The following FAM168A variants were observed in gnomAD, a reference collection of about 807,000 sequenced individuals.
The protein encoded by FAM168A is protein FAM168A.
A neutral mutation model predicts 28.5 loss-of-function variants in FAM168A; 3 were observed. The ratio of observed to expected loss-of-function variants is 0.11; its 90% CI spans 0.05 to 0.27. The LOEUF (loss-of-function observed/expected upper bound fraction) is 0.27, where lower values mean the gene tolerates loss of function less well. FAM168A is among the 10% of genes least tolerant of loss of function. The probability of loss-of-function intolerance (pLI) is 1.00; values close to 1 mark genes in which losing one functional copy is unlikely to be tolerated. For synonymous variants in FAM168A, 122 were observed against 124.2 expected (o/e 0.98, Z 0.12); for missense variants, 222 against 311.5 (o/e 0.71, Z 2.16).
intron 1 of FAM168A, among the ~76,000 whole-genome samples, chr11:73,585,496 AG>A (rs1565309165): frequency 6.6e-6 from 1 of 152,244 alleles, no homozygotes; most frequent in Non-Finnish European, 1.5e-5. Context: ...TTAACAATCT[AG>A]GGAAAATTCA....
chr11:73,431,523 T>G (rs1156934594), intron 2 of FAM168A, among the ~76,000 whole-genome samples: 4 of 152,188 alleles, frequency 2.6e-5, no homozygotes, highest in Admixed American at 2.0e-4. Flanking sequence ...ATATATTCAG[T>G]GGTGTGCTGG....
chr11:73,478,302 G>C (rs1867920050), intron 1 of FAM168A, among the ~76,000 whole-genome samples: 1 of 152,154 alleles, frequency 6.6e-6, no homozygotes, highest in Non-Finnish European at 1.5e-5. Flanking sequence ...ACAAACTACT[G>C]ATACATGTCA....
chr11:73,558,445 G>A (rs925358773), intron 1 of FAM168A, among the ~76,000 whole-genome samples: 3 of 145,804 alleles, frequency 2.1e-5, no homozygotes, highest in African/African-American at 5.1e-5. Context: ...CTCCAACCTG[G>A]GCAACAGAGC....
At chr11:73,480,187 C>G (rs1010293861) in intron 1 of FAM168A, among the ~76,000 whole-genome samples, 1 of 152,134 alleles carries the variant, frequency 6.6e-6, no homozygotes, top group African/African-American at 2.4e-5. Flanking sequence ...TCCACAGTTA[C>G]CAGAAAGATC....
At chr11:73,484,175 C>T (rs564416584) in intron 1 of FAM168A, among the ~76,000 whole-genome samples, 6 of 152,198 alleles carry the variant, frequency 3.9e-5, no homozygotes, top group South Asian at 2.1e-4. Flanking sequence ...ACGTTATATA[C>T]CATAACTGTT....
intron 1 of FAM168A, among the ~76,000 whole-genome samples, chr11:73,559,996 T>C (rs1217253121): frequency 2.0e-5 from 3 of 152,160 alleles, no homozygotes; most frequent in Non-Finnish European, 2.9e-5. Flanking sequence ...TACTGCAGCA[T>C]TAAATAAATC....
chr11:73,472,104 C>T (rs1265249904), intron 1 of FAM168A, among the ~76,000 whole-genome samples: 5 of 152,104 alleles, frequency 3.3e-5, no homozygotes, highest in Non-Finnish European at 5.9e-5. Flanking sequence ...CCCCCCTCTC[C>T]CCGCCCCATC....
chr11:73,414,047 A>G (rs1437561282), intron 4 of FAM168A, among the ~76,000 whole-genome samples: 2 of 152,196 alleles, frequency 1.3e-5, no homozygotes, highest in Non-Finnish European at 2.9e-5. Flanking sequence ...TGGGTGACAG[A>G]GCAGGACCCT....
At chr11:73,525,210 A>T (rs2080467843) in intron 1 of FAM168A, among the ~76,000 whole-genome samples, 1 of 152,068 alleles carries the variant, frequency 6.6e-6, no homozygotes, top group African/African-American at 2.4e-5. Context: ...CTATTCTTTC[A>T]TATTTAAGAC....
chr11:73,524,087 C>T (rs1943419493), intron 1 of FAM168A, among the ~76,000 whole-genome samples: 1 of 152,118 alleles, frequency 6.6e-6, no homozygotes, highest in Admixed American at 6.5e-5. Context: ...AAAATCCTTT[C>T]CTCTCAGAAT....
chr11:73,493,031 T>C (rs892960819), intron 1 of FAM168A, among the ~76,000 whole-genome samples: 1 of 152,054 alleles, frequency 6.6e-6, no homozygotes, highest in Admixed American at 6.5e-5. Flanking sequence ...ACCAAGAGTG[T>C]GGAGAAGGAT....
At chr11:73,417,835 A>G (rs1866723180) in intron 4 of FAM168A, among the ~76,000 whole-genome samples, 1 of 152,276 alleles carries the variant, frequency 6.6e-6, no homozygotes, top group Non-Finnish European at 1.5e-5. Flanking sequence ...CTGGGATTAC[A>G]GGTGTGAGCC....
At chr11:73,586,263 C>T (rs1250218774) in intron 1 of FAM168A, among the ~76,000 whole-genome samples, 1 of 152,130 alleles carries the variant, frequency 6.6e-6, no homozygotes, top group Non-Finnish European at 1.5e-5. Flanking sequence ...CTCTGAGCCT[C>T]TGTTTTCTTA....
At chr11:73,528,538 C>T (rs1943473469) in intron 1 of FAM168A, among the ~76,000 whole-genome samples, 1 of 152,176 alleles carries the variant, frequency 6.6e-6, no homozygotes, top group African/African-American at 2.4e-5. Context: ...ATGTGTTCCT[C>T]CTCTTACTTT....
intron 2 of FAM168A, chr11:73,452,280 C>T (rs1867444433): frequency 6.6e-6 from 1 of 152,290 alleles, no homozygotes; most frequent in African/African-American, 2.4e-5. Context: ...TAACCTGGAA[C>T]TGTGACCACC....
chr11:73,522,442 T>C (rs2134652714), intron 1 of FAM168A, among the ~76,000 whole-genome samples: 1 of 152,118 alleles, frequency 6.6e-6, no homozygotes, highest in East Asian at 1.9e-4. Context: ...GTTCACGCCA[T>C]TCTCCTGCCT....
intron 1 of FAM168A, among the ~76,000 whole-genome samples, chr11:73,501,015 C>CAA (rs771782195): frequency 2.0e-5 from 2 of 99,116 alleles, no homozygotes; most frequent in African/African-American, 7.6e-5. Flanking sequence ...AAATGGAAAG[C>CAA]AAAAAAAAAA....
At chr11:73,568,667 C>T (rs1054634726) in intron 1 of FAM168A, among the ~76,000 whole-genome samples, 2 of 152,068 alleles carry the variant, frequency 1.3e-5, no homozygotes, top group Non-Finnish European at 2.9e-5. Context: ...GAGGCCAAGG[C>T]GGGCAGATCA....
At chr11:73,422,902 C>G (rs898309684) in intron 3 of FAM168A, among the ~76,000 whole-genome samples, 1 of 152,202 alleles carries the variant, frequency 6.6e-6, no homozygotes, top group African/African-American at 2.4e-5. Context: ...GGCCCTCACG[C>G]CCTCTGACAG....
Sources: allele counts gnomAD v4.1 joint callset (sites outside exome capture counted in the v4.1 genomes callset), GRCh38; gene constraint gnomAD v4.1.1; transcripts MANE v1.5; gene names NCBI Gene and HGNC (gene_info 2026-07-23, HGNC 2026-07-21).